PCDHGA7: variants seen among roughly 807,000 people sequenced by gnomAD.
PCDHGA7 encodes protocadherin gamma subfamily A, 7.
PCDHGA7 carries 44 observed loss-of-function variants against 58.3 expected under a neutral mutation model. The ratio of observed to expected loss-of-function variants is 0.75; its 90% confidence interval spans 0.59 to 0.97. The LOEUF (loss-of-function observed/expected upper bound fraction) is 0.97, where lower values mean the gene tolerates loss of function less well. Among genes scored for constraint, PCDHGA7 ranks in the 50% least tolerant of loss-of-function variants. The pLI, the probability that PCDHGA7 is intolerant of heterozygous loss-of-function variation, is 0.00. For missense variants in PCDHGA7, 1,266 were observed against 1,188.7 expected, an observed-to-expected ratio of 1.06 and a Z score of -0.96; for synonymous variants, 516 against 504.2, an observed-to-expected ratio of 1.02 and a Z score of -0.31.
At chr5:141,497,223 T>G (rs921763195) in intron 2 of PCDHGA7, among the ~76,000 whole-genome samples, 14 of 151,762 alleles carry the variant, frequency 9.2e-5, no homozygotes, top group African/African-American at 3.4e-4. Context: ...GGGGGGAAGA[T>G]CAGAGAAGGC....
At chr5:141,419,796 T>C (rs1334397368) in intron 1 of PCDHGA7, 1 of 1,614,026 alleles carries the variant, frequency 6.2e-7, no homozygotes, top group Admixed American at 1.7e-5. Flanking sequence ...CTAGTCGCTG[T>C]AAGAGATGGA....
At chr5:141,500,789 C>G (rs1006758925) in intron 2 of PCDHGA7, among the ~76,000 whole-genome samples, 2 of 152,142 alleles carry the variant, frequency 1.3e-5, no homozygotes, top group African/African-American at 4.8e-5. Flanking sequence ...TATTATTTTA[C>G]AGAATAAGTC....
At chr5:141,389,859 C>A (rs1228335415) in intron 1 of PCDHGA7, 1 of 1,614,076 alleles carries the variant, frequency 6.2e-7, no homozygotes, top group Non-Finnish European at 8.5e-7. Flanking sequence ...TGCCACGTTG[C>A]ACCTGGTCTT....
intron 2 of PCDHGA7, among the ~76,000 whole-genome samples, chr5:141,499,384 A>G (rs2099791576): frequency 6.6e-6 from 1 of 152,200 alleles, no homozygotes. Context: ...TTTTCCACTT[A>G]TAAAATAGTA....
chr5:141,477,482 C>T lies in PCDHGA7; in HGVS notation c.2425-17325C>T, dbSNP rs1168724444. The T allele has an allele frequency of 6.2e-7, 1 of 1,614,118 alleles. No individual in the cohort carries two copies. Among genetic ancestry groups the T allele is most frequent in the Non-Finnish European group, 8.5e-7 (1 of 1,180,016 alleles). ...GTCCGACATCAATGACAACCCTCCA[C>T]AATCTTCTCAATCTTCCTACGACGT... is the stretch of plus-strand genomic sequence containing the variant. On this transcript the variant is annotated intron_variant, in intron 1 of 3. Coordinates refer to ENST00000518325, the MANE Select transcript of PCDHGA7 (RefSeq NM_018920.4). This position sits in a 1 kb window ranked among gnomAD's most constrained non-coding sequence, Gnocchi z 4.9.
chr5:141,508,974 G>A (rs962653911), intron 3 of PCDHGA7, among the ~76,000 whole-genome samples: 2 of 152,128 alleles, frequency 1.3e-5, no homozygotes, highest in Non-Finnish European at 2.9e-5. Flanking sequence ...AAAGGGCTGG[G>A]GGTGGGGGCC....
At position 141,486,408 on chromosome 5, in the gene PCDHGA7, C is replaced by G; in HGVS notation, c.2425-8399C>G. The G allele has an allele frequency of 1.2e-6, 2 of 1,614,156 alleles. No homozygotes were observed. The highest frequency in any genetic ancestry group is 1.7e-6 in the Non-Finnish European group (2 of 1,180,014). Reference sequence around the variant, plus strand: ...CAGTTCTCCCTGGTGACTGCTGGACCCTTGGATCGAGAGGCCAAATCTAGC... The same window carrying G: ...CAGTTCTCCCTGGTGACTGCTGGACGCTTGGATCGAGAGGCCAAATCTAGC... On this transcript the variant is annotated intron_variant, in intron 1 of 3. Transcript: ENST00000518325. This position sits in a 1 kb window ranked among gnomAD's most constrained non-coding sequence, Gnocchi z 5.0.
At chr5:141,497,461 A>G (rs541848982) in intron 2 of PCDHGA7, among the ~76,000 whole-genome samples, 2 of 151,526 alleles carry the variant, frequency 1.3e-5, no homozygotes, top group Admixed American at 1.3e-4. Context: ...GCTCTTGGAG[A>G]TATGGAGGAG....
At chr5:141,388,062 G>A (rs1237358865) in intron 1 of PCDHGA7, 1 of 1,380,416 alleles carries the variant, frequency 7.2e-7, no homozygotes, top group African/African-American at 1.5e-5. Flanking sequence ...CAGCGTCCAG[G>A]AGTTACCGAC....
Position 141,493,508 on chromosome 5 carries a change from C to T in PCDHGA7, c.2425-1299C>T, listed in dbSNP as rs2099748607. 1.3e-5 allele frequency among the ~76,000 whole-genome samples: 2 copies of T among 152,284 alleles called. No homozygotes were observed. The highest frequency in any genetic ancestry group is 4.1e-4 in the South Asian group (2 of 4,820). On this transcript the variant is annotated intron_variant, in intron 1 of 3. Transcript: ENST00000518325. The surrounding 1 kb of genome is among the most constrained non-coding windows in gnomAD (Gnocchi z 4.3). Reference sequence around the variant, plus strand: ...TCTTCTGTGGCTCCTCATTTCTGAGCAGTCCCCGCAGCGCAAACTTGGCCA... The same window carrying T: ...TCTTCTGTGGCTCCTCATTTCTGAGTAGTCCCCGCAGCGCAAACTTGGCCA...
intron 1 of PCDHGA7, chr5:141,417,959 C>A (rs759279387): frequency 5.0e-6 from 8 of 1,613,734 alleles, no homozygotes; most frequent in Non-Finnish European, 6.8e-6. Context: ...TGAGCCGATC[C>A]GCTACTCGAT....
At chr5:141,424,022 A>G (rs2096795541) in intron 1 of PCDHGA7, 13 of 1,046,584 alleles carry the variant, frequency 1.2e-5, no homozygotes, top group Non-Finnish European at 1.4e-5. Context: ...ATGATTCACA[A>G]ACACTTTTTA....
At chr5:141,408,618 A>C (rs1264915663) in intron 1 of PCDHGA7, 1 of 1,614,024 alleles carries the variant, frequency 6.2e-7, no homozygotes, top group Admixed American at 1.7e-5. Flanking sequence ...AAGGAAATAC[A>C]TTTAGAAATT....
chr5:141,486,017 A>C lies in PCDHGA7; in HGVS notation c.2425-8790A>C, dbSNP rs746747518. 1 of 1,614,176 alleles carries C rather than the reference A, an allele frequency of 6.2e-7. No homozygotes were observed. The highest frequency in any genetic ancestry group is 8.5e-7 in the Non-Finnish European group (1 of 1,180,038). ...CAGTGGTAACGTCACCTTTTATTTC[A>C]GTGGTCATACCCCTGATCGTGTAAG... On this transcript the variant is annotated intron_variant, in intron 1 of 3. Coordinates refer to ENST00000518325, the MANE Select transcript of PCDHGA7 (RefSeq NM_018920.4). This position sits in a 1 kb window ranked among gnomAD's most constrained non-coding sequence, Gnocchi z 5.0.
At chr5:141,422,074 C>A (rs886758924) in intron 1 of PCDHGA7, 1 of 1,612,264 alleles carries the variant, frequency 6.2e-7, no homozygotes, top group African/African-American at 1.3e-5. Flanking sequence ...GTATTCATTT[C>A]GGAACATGGA....
chr5:141,429,264 A>T (rs1029363907), intron 1 of PCDHGA7: 1 of 151,938 alleles, frequency 6.6e-6, no homozygotes, highest in Non-Finnish European at 1.5e-5. Flanking sequence ...TGAGGAATAA[A>T]TTTTTTTCCT....
At chr5:141,443,977 AT>A (rs1443967001) in intron 1 of PCDHGA7, among the ~76,000 whole-genome samples, 1 of 152,020 alleles carries the variant, frequency 6.6e-6, no homozygotes, top group African/African-American at 2.4e-5. Context: ...CATCTAAGCT[AT>A]GTTAATTTTA....
chr5:141,413,129 A>T (rs761379605), intron 1 of PCDHGA7: 41 of 1,536,352 alleles, frequency 2.7e-5, no homozygotes, highest in Non-Finnish European at 3.6e-5. Context: ...GTTGAAACAC[A>T]CAACGTGTCC....
At chr5:141,413,080 A>G (rs2095603656) in intron 1 of PCDHGA7, 3 of 1,298,546 alleles carry the variant, frequency 2.3e-6, no homozygotes, top group Non-Finnish European at 3.2e-6. Context: ...TGCCCAGGCT[A>G]CAGAGACACC....
Sources: gnomAD v4.1 joint callset for allele counts (sites outside exome capture counted in the v4.1 genomes callset) on GRCh38, gnomAD v4.1.1 for gene constraint, Gnocchi (gnomAD v3.1) non-coding constraint, MANE v1.5 for transcripts, NCBI Gene and HGNC (gene_info 2026-07-23, HGNC 2026-07-21) for gene names.